The following EIF3I variants were observed in gnomAD, a reference collection of about 807,000 sequenced individuals.
The protein encoded by EIF3I is TGF-beta receptor-interacting protein 1.
EIF3I carries 20 observed loss-of-function variants against 43.3 expected under a neutral mutation model. That is an observed-to-expected ratio of 0.46 (90% CI 0.32 to 0.67). EIF3I has a LOEUF of 0.67. Ranked by LOEUF, EIF3I falls within the 30% of genes least tolerant of loss-of-function variation. The probability of loss-of-function intolerance (pLI) is 0.03; values close to 1 mark genes in which losing one functional copy is unlikely to be tolerated. For synonymous variants in EIF3I, 167 were observed against 151.7 expected (o/e 1.10, Z -0.74); for missense variants, 279 against 421.4 (o/e 0.66, Z 2.96).
At chr1:32,228,443 G>C (rs552880986) in intron 6 of EIF3I, 56 bp from the exon 7 acceptor site, 61 of 1,460,298 alleles carry the variant, frequency 4.2e-5, no homozygotes, top group Non-Finnish European at 5.8e-5. Flanking sequence ...GGTTTCTGGG[G>C]AGCTGAGATT....
At chr1:32,226,304 G>A (rs375416487) in exon 5 of EIF3I, 4 of 1,614,136 alleles carry the variant, frequency 2.5e-6, no homozygotes, top group Non-Finnish European at 3.4e-6. Flanking sequence ...TTGACCTGCG[G>A]GATCCGAGCC....
At chr1:32,232,988 T>G (rs1053108739), downstream of EIF3I, among the ~76,000 whole-genome samples, 3 of 152,074 alleles carry the variant, frequency 2.0e-5, no homozygotes, top group Non-Finnish European at 4.4e-5. Flanking sequence ...CTTCTTTTAT[T>G]TACTTATTTA....
chr1:32,223,402 A>G (rs775434774), intron 2 of EIF3I, among the ~76,000 whole-genome samples: 5 of 150,660 alleles, frequency 3.3e-5, no homozygotes, highest in East Asian at 2.0e-4. Flanking sequence ...TCCTGCCTCA[A>G]CCTCCCTAGT....
chr1:32,227,605 T>G (rs1639167635), intron 6 of EIF3I, among the ~76,000 whole-genome samples: 1 of 151,948 alleles, frequency 6.6e-6, no homozygotes, highest in African/African-American at 2.4e-5. Flanking sequence ...AGACCCTGTC[T>G]CTACAAAAAA....
At chr1:32,225,166 G>A (rs1031851899) in intron 4 of EIF3I, among the ~76,000 whole-genome samples, 4 of 151,982 alleles carry the variant, frequency 2.6e-5, no homozygotes, top group African/African-American at 9.7e-5. Context: ...AGTAGAGACA[G>A]GGTTTCACCA....
chr1:32,231,450 C>A (rs1639235592), downstream of EIF3I: 5 of 376,730 alleles, frequency 1.3e-5, no homozygotes, highest in East Asian at 6.3e-5. Context: ...GAGATCACGT[C>A]ATTGCACTCC....
intron 9 of EIF3I, 113 bp downstream of exon 9, chr1:32,229,321 C>G (rs536265271): frequency 2.7e-6 from 3 of 1,126,842 alleles, no homozygotes; most frequent in Non-Finnish European, 3.8e-6. Context: ...AGCGCAGTGG[C>G]GTGATCTCTG....
exon 11 of EIF3I, chr1:32,230,927 G>A (rs755851344): frequency 6.3e-7 from 1 of 1,591,576 alleles, no homozygotes; most frequent in Non-Finnish European, 8.5e-7. Flanking sequence ...TTTCCTCCAG[G>A]TTCTTCCATT....
Position 32,229,314 on chromosome 1 carries a change from G to A in EIF3I, c.803+106G>A, listed in dbSNP as rs547278098. On this transcript the variant is annotated intron_variant, in intron 9 of 11. Transcript: ENST00000676679. ...CTCGCTCTGTCGCCTAGGCTGGAGC[G>A]CAGTGGCGTGATCTCTGCTCACTGC... The A allele has an allele frequency of 8.5e-5, 102 of 1,206,136 alleles. 2 individuals are homozygous for A. In the South Asian group the frequency reaches 1.3e-3, roughly 15 times the overall value. The allele number at this position is 1,206,136 out of a possible 1,614,324, so 74.7% of individuals were successfully genotyped here. A position where few individuals can be genotyped will look rare whatever the true frequency, so the allele number is the denominator to read the frequency against.
chr1:32,233,623 C>T (rs544911451), downstream of EIF3I, among the ~76,000 whole-genome samples: 3 of 152,216 alleles, frequency 2.0e-5, no homozygotes, highest in South Asian at 2.1e-4. Flanking sequence ...TTCATGCTAC[C>T]GATGAGATTG....
chr1:32,224,540 A>C, intron 4 of EIF3I, 65 bp downstream of exon 4: 1 of 1,244,932 alleles, frequency 8.0e-7, no homozygotes, highest in Non-Finnish European at 1.2e-6. Flanking sequence ...GTTTGAGTAA[A>C]CAGGTCCTAG....
exon 6 of EIF3I, chr1:32,226,524 T>G: frequency 2.6e-6 from 4 of 1,537,134 alleles, no homozygotes; most frequent in Non-Finnish European, 3.5e-6. Flanking sequence ...ACCAGTATAG[T>G]GCCAAGGTAA....
chr1:32,224,526 A>G, intron 4 of EIF3I, 51 bp downstream of exon 4: 1 of 1,430,316 alleles, frequency 7.0e-7, no homozygotes, highest in South Asian at 1.2e-5. Context: ...CCTACAGTGT[A>G]CCTGTTTGAG....
At chr1:32,230,851 G>T (rs1235465289) in intron 10 of EIF3I, 76 bp from the exon 10 acceptor site, 7 of 1,013,406 alleles carry the variant, frequency 6.9e-6, no homozygotes, top group African/African-American at 3.3e-5. Flanking sequence ...ATAACAATTT[G>T]CATTTGGGGA....
At chr1:32,231,518 TCCAA>T (rs1420207289), downstream of EIF3I, 1 of 244,082 alleles carries the variant, frequency 4.1e-6, no homozygotes, top group East Asian at 1.2e-4. Context: ...AAGGTGGATC[TCCAA>T]CCAGGCCAGA....
At chr1:32,235,300 C>A (rs1639284849), downstream of EIF3I, 1 of 152,164 alleles carries the variant, frequency 6.6e-6, no homozygotes, top group South Asian at 2.1e-4. Context: ...AGTTCCTAAT[C>A]TTTGAGACAG....
intron 2 of EIF3I, 117 bp from the exon 3 acceptor site, chr1:32,223,917 A>G: frequency 1.2e-6 from 1 of 864,182 alleles, no homozygotes; most frequent in Non-Finnish European, 1.9e-6. Context: ...TTTCCCAAGA[A>G]ATAAACAGAA....
chr1:32,230,854 T>G, intron 10 of EIF3I, 73 bp from the exon 10 acceptor site: 1 of 1,066,496 alleles, frequency 9.4e-7, no homozygotes, highest in Non-Finnish European at 1.4e-6. Context: ...ACAATTTGCA[T>G]TTGGGGAGTG....
chr1:32,229,217 GA>G lies in EIF3I; in HGVS notation c.803+11del. On this transcript the variant is annotated intron_variant, in intron 9 of 11. Transcript: ENST00000676679. ...GGCAAGTTTGAGGCCAGGTAAAGAA[GA>G]AGAGAGCTCTTCCAAATTAAAATCT... 1.2e-6 allele frequency: 2 copies of G among 1,609,484 alleles called. No individual in the cohort carries two copies. The highest frequency in any genetic ancestry group is 2.2e-5 in the South Asian group (2 of 90,304).
Sources: allele counts gnomAD v4.1 joint callset (sites outside exome capture counted in the v4.1 genomes callset), GRCh38; gene constraint gnomAD v4.1.1; transcripts MANE v1.5; gene names NCBI Gene and HGNC (gene_info 2026-07-23, HGNC 2026-07-21).